Variants in MACF1 observed in about 807,000 individuals in gnomAD.
MACF1 encodes the protein microtubule actin crosslinking factor 1.
MACF1 carries 193 observed loss-of-function variants against 854.8 expected under a neutral mutation model. That is an observed-to-expected ratio of 0.23 (90% confidence interval 0.20 to 0.25). The LOEUF (loss-of-function observed/expected upper bound fraction) is 0.25. Ranked by LOEUF, MACF1 falls within the 10% of genes least tolerant of loss-of-function variation. MACF1 has a pLI of 1.00. For synonymous variants in MACF1, 3,185 were observed against 3,226.7 expected, an observed-to-expected ratio of 0.99 and a Z score of 0.44; for missense variants, 7,722 against 8,929.1, an observed-to-expected ratio of 0.86 and a Z score of 5.45.
intron 97 of MACF1, among the ~76,000 whole-genome samples, chr1:39,470,991 G>A (rs1644766303): frequency 6.6e-6 from 1 of 152,142 alleles, no homozygotes; most frequent in Admixed American, 6.5e-5. Flanking sequence ...AGGAAATTGG[G>A]GAGGGCCATC....
At chr1:39,100,866 A>T (rs547119224) in intron 2 of MACF1, among the ~76,000 whole-genome samples, 52 of 152,056 alleles carry the variant, frequency 3.4e-4, no homozygotes, top group East Asian at 3.3e-3. Flanking sequence ...ATAAATAAAT[A>T]AATTAAATTA....
chr1:39,403,324 C>T (rs1214972305), intron 58 of MACF1, among the ~76,000 whole-genome samples: 1 of 152,114 alleles, frequency 6.6e-6, no homozygotes, highest in Non-Finnish European at 1.5e-5. Flanking sequence ...GTCTCAAACT[C>T]CTGACCTCAG....
chr1:39,385,732 C>A lies in MACF1; in HGVS notation c.14147C>A (p.Pro4716Gln). 6.2e-7 allele frequency: 1 copy of A among 1,614,124 alleles called. No individual in the cohort carries two copies. Among genetic ancestry groups the A allele is most frequent in the Non-Finnish European group, 8.5e-7 (1 of 1,180,032 alleles). Residue 4716 changes from proline (P) to glutamine (Q), a missense_variant, in exon 57 of 101, where the codon CCA (proline) becomes CAA (glutamine). This residue lies in a region of MACF1 where 2,807 missense variants were observed against 3,235.8 expected (regional missense o/e 0.87). Transcript: ENST00000564288. The stretch of plus-strand genomic sequence containing the variant: ...GTCCAGTCAGCTATCAGCACCCAAC[C>A]AGAGGCTGTAAAGCAGCAATTGGAA... ...LSVQSAISTQPEAVKQQLEET... is the reference protein window; with the variant it reads ...LSVQSAISTQQEAVKQQLEET...
At chr1:39,408,616 A>C (rs1642811054) in intron 58 of MACF1, among the ~76,000 whole-genome samples, 1 of 146,362 alleles carries the variant, frequency 6.8e-6, no homozygotes, top group Non-Finnish European at 1.5e-5. Flanking sequence ...CTGGGCTCGG[A>C]GCCGGGCCGG....
chr1:39,288,032 A>T (rs191814957), intron 15 of MACF1, among the ~76,000 whole-genome samples: 19 of 152,158 alleles, frequency 1.2e-4, no homozygotes, highest in East Asian at 5.8e-4. Flanking sequence ...AATTAAAAAA[A>T]TTTTTTGTGG....
rs368851286 is a variant in MACF1 at position 39,334,301 on chromosome 1, A to C, written c.7713A>C (p.Lys2571Asn). The C allele has an allele frequency of 5.6e-6, 9 of 1,614,014 alleles. 2 individuals carry two copies. The highest frequency in any genetic ancestry group is 5.3e-5 in the African/African-American group (4 of 74,936). Residue 2571 changes from lysine to asparagine, a missense_variant, in exon 37 of 101, where the codon AAA (lysine) becomes AAC (asparagine). Physicochemically the swap from Lys to Asn is moderately conservative, Grantham distance 94 (BLOSUM62 0). Coordinates refer to ENST00000564288, the MANE Select transcript of MACF1 (RefSeq NM_001394062.1). Reference protein sequence around the residue: ...IKLDLITSDLKREIQEVQAFT... With the variant: ...IKLDLITSDLNREIQEVQAFT... The stretch of plus-strand genomic sequence containing the variant: ...TAGATCTTATTACCTCAGACCTGAA[A>C]AGAGAAATCCAGGAGGTTCAGGCCT...
chr1:39,119,317 C>CAAAA (rs745686071), intron 2 of MACF1, among the ~76,000 whole-genome samples: 61 of 84,444 alleles, frequency 7.2e-4, no homozygotes, highest in African/African-American at 9.6e-4. Context: ...AACTCCGTCT[C>CAAAA]AAAAAAAAAA....
intron 89 of MACF1, among the ~76,000 whole-genome samples, chr1:39,455,359 G>T (rs1395038024): frequency 2.0e-5 from 3 of 152,130 alleles, no homozygotes; most frequent in African/African-American, 7.2e-5. Flanking sequence ...GGAGTTCAGG[G>T]TCCTCTTTTA....
chr1:39,089,465 C>G (rs539232678), intron 2 of MACF1, among the ~76,000 whole-genome samples: 1 of 152,224 alleles, frequency 6.6e-6, no homozygotes, highest in African/African-American at 2.4e-5. Context: ...ACAATTGTCT[C>G]TCTGCACAGC....
intron 78 of MACF1, 64 bp downstream of exon 78, chr1:39,442,975 A>G: frequency 1.4e-6 from 2 of 1,469,474 alleles, no homozygotes; most frequent in African/African-American, 1.4e-5. Context: ...TATCTAAGTC[A>G]GAGAGAAGAG....
chr1:39,169,737 A>G (rs565373043), intron 2 of MACF1, among the ~76,000 whole-genome samples: 1 of 148,368 alleles, frequency 6.7e-6, no homozygotes, highest in Non-Finnish European at 1.5e-5. Flanking sequence ...ATCCTCCCTC[A>G]TTCATTCTCT....
chr1:39,387,112 C>A (rs1208698587), intron 57 of MACF1, 75 bp from the exon 58 acceptor site: 24 of 1,507,976 alleles, frequency 1.6e-5, no homozygotes, highest in Non-Finnish European at 2.0e-5. Flanking sequence ...CAAGATTAGA[C>A]CGTATACTCT....
chr1:39,340,896 G>C lies in MACF1; in HGVS notation c.10524G>C (p.Lys3508Asn). 1 of 1,613,794 alleles carries C rather than the reference G, an allele frequency of 6.2e-7. No homozygotes were observed. Among genetic ancestry groups the C allele is most frequent in the Non-Finnish European group, 8.5e-7 (1 of 1,179,856 alleles). The change falls in exon 40 of 101, where the codon AAG (lysine) becomes AAC (asparagine). Residue 3508 changes from lysine (K) to asparagine (N), a missense_variant. Physicochemically the swap from Lys to Asn is moderately conservative, Grantham distance 94 (BLOSUM62 0). Coordinates refer to ENST00000564288, the MANE Select transcript of MACF1 (RefSeq NM_001394062.1). ...ATAAAAATCTTATTCTGAACAGCAA[G>C]GGATCTAACAGTGAAATAGATGTTG... is the stretch of plus-strand genomic sequence containing the variant. Reference protein sequence around the residue: ...VGNKNLILNSKGSNSEIDVDS... With the variant: ...VGNKNLILNSNGSNSEIDVDS...
chr1:39,446,931 A>G (rs1352003524), intron 80 of MACF1, among the ~76,000 whole-genome samples: 1 of 152,218 alleles, frequency 6.6e-6, no homozygotes, highest in Non-Finnish European at 1.5e-5. Context: ...CATAATTTTT[A>G]GACTCATATT....
intron 2 of MACF1, among the ~76,000 whole-genome samples, chr1:39,166,642 G>A (rs550711960): frequency 1.3e-5 from 2 of 151,714 alleles, no homozygotes; most frequent in East Asian, 3.9e-4. Flanking sequence ...TAGTAGAGAC[G>A]GGGTTTCACC....
intron 20 of MACF1, among the ~76,000 whole-genome samples, 158 bp from the exon 21 acceptor site, chr1:39,297,462 G>A (rs975381058): frequency 1.3e-5 from 2 of 152,120 alleles, no homozygotes; most frequent in Admixed American, 6.5e-5. Context: ...TAAGCCCTTC[G>A]GTTTATGTTT....
At chr1:39,327,529 T>G (rs1467893925) in intron 36 of MACF1, among the ~76,000 whole-genome samples, 176 bp downstream of exon 36, 1 of 152,222 alleles carries the variant, frequency 6.6e-6, no homozygotes, top group Non-Finnish European at 1.5e-5. Flanking sequence ...CATGATGTGT[T>G]GGTCAGTCAA....
rs529145049 is a variant in MACF1 at position 39,403,458 on chromosome 1, T to C, written c.15816+14800T>C. 6.6e-5 allele frequency among the ~76,000 whole-genome samples: 10 copies of C among 152,324 alleles called. No individual in the cohort carries two copies. The East Asian group carries it at 1.9e-3, about 29-fold the overall frequency. On this transcript the variant is annotated intron_variant, in intron 58 of 100. Coordinates refer to ENST00000564288, the MANE Select transcript of MACF1 (RefSeq NM_001394062.1). ...TGTGTGAGGGGCCCTTCTAGACACCTTCACATGGGTCGTTTTTTAGTATTT... is the reference window on the plus strand; with the variant it reads ...TGTGTGAGGGGCCCTTCTAGACACCCTCACATGGGTCGTTTTTTAGTATTT...
chr1:39,462,655 T>G (rs1473854604), intron 93 of MACF1, among the ~76,000 whole-genome samples: 1 of 151,614 alleles, frequency 6.6e-6, no homozygotes, highest in Non-Finnish European at 1.5e-5. Flanking sequence ...ATCAAAGGTG[T>G]GGTAAGCTGT....
Sources: allele counts gnomAD v4.1 joint callset (sites outside exome capture counted in the v4.1 genomes callset), GRCh38; gene constraint gnomAD v4.1.1; regional missense constraint gnomAD v4.1.1; transcripts MANE v1.5; gene names NCBI Gene and HGNC (gene_info 2026-07-23, HGNC 2026-07-21).